ATP8A2: variants seen among roughly 807,000 people sequenced by gnomAD.
ATP8A2 encodes phospholipid-transporting ATPase IB.
ATP8A2 carries 100 observed loss-of-function variants against 165.6 expected under a neutral mutation model. The ratio of observed to expected loss-of-function variants is 0.60; its 90% CI spans 0.51 to 0.71. The LOEUF (loss-of-function observed/expected upper bound fraction) is 0.71, where lower values mean the gene tolerates loss of function less well. Ranked by LOEUF, ATP8A2 falls within the 30% of genes least tolerant of loss-of-function variation. The pLI is 0.00. For missense variants in ATP8A2, 1,227 were observed against 1,479.5 expected (o/e 0.83, Z 2.80); for synonymous variants, 543 against 548.8 (o/e 0.99, Z 0.15).
chr13:25,592,178 A>G lies in ATP8A2; in HGVS notation c.2211+2479A>G, dbSNP rs965938699. Among the ~76,000 whole-genome samples, 8 of 144,288 alleles carry G rather than the reference A, an allele frequency of 5.5e-5. 1 individual carries two copies. Among genetic ancestry groups the G allele is most frequent in the African/African-American group, 2.1e-4 (8 of 37,792 alleles). The allele number at this position is 144,288 out of a possible 152,430, so 94.7% of individuals were successfully genotyped here. On this transcript the variant is annotated intron_variant, in intron 24 of 36. Transcript: ENST00000381655. ...GTATATCTTCTATGGAGAAATGTCTATTCAATCCTTTGCCCATTTTTTAAT... is the reference window on the plus strand; with the variant it reads ...GTATATCTTCTATGGAGAAATGTCTGTTCAATCCTTTGCCCATTTTTTAAT...
At chr13:25,923,503 T>C (rs1367832672) in intron 33 of ATP8A2, among the ~76,000 whole-genome samples, 1 of 152,152 alleles carries the variant, frequency 6.6e-6, no homozygotes, top group Non-Finnish European at 1.5e-5. Context: ...TTAATATTGA[T>C]GTCCAGCAGG....
chr13:25,830,322 A>G (rs1951430138), intron 28 of ATP8A2, among the ~76,000 whole-genome samples: 1 of 152,098 alleles, frequency 6.6e-6, no homozygotes, highest in African/African-American at 2.4e-5. Flanking sequence ...AGTTATTGTT[A>G]TGCATGACCC....
At chr13:25,656,069 C>T (rs1400763650) in intron 24 of ATP8A2, among the ~76,000 whole-genome samples, 2 of 152,158 alleles carry the variant, frequency 1.3e-5, no homozygotes, top group South Asian at 4.1e-4. Flanking sequence ...TCTGACTCCC[C>T]CTGTGTAACC....
chr13:25,615,750 C>T (rs67847413), intron 24 of ATP8A2, among the ~76,000 whole-genome samples: 14 of 152,044 alleles, frequency 9.2e-5, no homozygotes, highest in South Asian at 4.2e-4. Context: ...CTGTGTTTTT[C>T]GCTCAGCTCT....
chr13:25,697,073 C>G (rs557124260), intron 24 of ATP8A2, among the ~76,000 whole-genome samples: 1 of 152,146 alleles, frequency 6.6e-6, no homozygotes, highest in Non-Finnish European at 1.5e-5. Context: ...TGGTGCTGAT[C>G]GACTTGCTTG....
chr13:25,485,142 G>T (rs1330489518), intron 2 of ATP8A2, among the ~76,000 whole-genome samples: 1 of 152,220 alleles, frequency 6.6e-6, no homozygotes, highest in African/African-American at 2.4e-5. Flanking sequence ...CCGTGGTAAG[G>T]CAGAAACATG....
At chr13:25,930,855 C>T (rs1593579788) in intron 33 of ATP8A2, among the ~76,000 whole-genome samples, 1 of 152,322 alleles carries the variant, frequency 6.6e-6, no homozygotes, top group East Asian at 1.9e-4. Context: ...ACCTGTCACG[C>T]CTCCTCCACA....
At chr13:25,431,384 AGTG>A (rs2034606936) in intron 1 of ATP8A2, among the ~76,000 whole-genome samples, 1 of 151,918 alleles carries the variant, frequency 6.6e-6, no homozygotes, top group Non-Finnish European at 1.5e-5. Context: ...CCCGACCTCA[AGTG>A]GTCAGCTCGC....
At chr13:25,428,099 G>A (rs533349484) in intron 1 of ATP8A2, among the ~76,000 whole-genome samples, 6 of 152,000 alleles carry the variant, frequency 3.9e-5, no homozygotes, top group African/African-American at 1.4e-4. Context: ...TGGAAGGATC[G>A]CTTGAACCTG....
intron 35 of ATP8A2, among the ~76,000 whole-genome samples, chr13:26,004,514 A>C (rs1253843843): frequency 6.6e-6 from 1 of 151,998 alleles, no homozygotes; most frequent in Non-Finnish European, 1.5e-5. Context: ...CCTCTTGCCT[A>C]ATGGCTCTGG....
At chr13:25,859,817 T>A (rs1248559917) in intron 30 of ATP8A2, among the ~76,000 whole-genome samples, 2 of 152,204 alleles carry the variant, frequency 1.3e-5, no homozygotes, top group East Asian at 1.9e-4. Flanking sequence ...TAAAGATGAA[T>A]CATAAAGAAT....
chr13:25,923,214 C>G (rs1417364092), intron 33 of ATP8A2, among the ~76,000 whole-genome samples: 3 of 152,162 alleles, frequency 2.0e-5, no homozygotes, highest in East Asian at 1.9e-4. Context: ...CCAGATCCAC[C>G]AGTGTAGCCC....
At chr13:25,418,781 G>A (rs2034210021) in intron 1 of ATP8A2, among the ~76,000 whole-genome samples, 3 of 152,128 alleles carry the variant, frequency 2.0e-5, no homozygotes, top group Admixed American at 1.3e-4. Context: ...TCGCAGAAGG[G>A]TGTGAGTTCA....
intron 35 of ATP8A2, among the ~76,000 whole-genome samples, chr13:25,984,906 T>C (rs1237142993): frequency 6.6e-6 from 1 of 152,212 alleles, no homozygotes; most frequent in Non-Finnish European, 1.5e-5. Context: ...CATACTTCAT[T>C]TGAGATTGTT....
At chr13:25,479,754 C>T (rs1455379231) in intron 2 of ATP8A2, among the ~76,000 whole-genome samples, 1 of 152,018 alleles carries the variant, frequency 6.6e-6, no homozygotes, top group Non-Finnish European at 1.5e-5. Flanking sequence ...TGCCCTTAAT[C>T]CATTTAACCC....
chr13:25,794,764 C>G (rs1324458021), intron 27 of ATP8A2, among the ~76,000 whole-genome samples: 1 of 150,576 alleles, frequency 6.6e-6, no homozygotes, highest in East Asian at 2.0e-4. Context: ...AGGATAACAT[C>G]TATCAGAAAG....
intron 14 of ATP8A2, among the ~76,000 whole-genome samples, 163 bp from the exon 15 acceptor site, chr13:25,559,558 G>A (rs2039080998): frequency 6.6e-6 from 1 of 151,898 alleles, no homozygotes; most frequent in Non-Finnish European, 1.5e-5. Context: ...CAGAAAAACA[G>A]CAACAAAAAA....
intron 33 of ATP8A2, among the ~76,000 whole-genome samples, chr13:25,864,241 G>A (rs1330498308): frequency 2.6e-5 from 4 of 151,966 alleles, no homozygotes; most frequent in Non-Finnish European, 4.4e-5. Flanking sequence ...GAGAGTGACA[G>A]CTGACAGGAC....
At chr13:26,005,830 T>A (rs1956726764) in intron 35 of ATP8A2, among the ~76,000 whole-genome samples, 2 of 152,080 alleles carry the variant, frequency 1.3e-5, no homozygotes, top group African/African-American at 4.8e-5. Context: ...CATTGATGTA[T>A]GGGTTTATTT....
Sources: gnomAD v4.1 joint callset for allele counts (sites outside exome capture counted in the v4.1 genomes callset) on GRCh38, gnomAD v4.1.1 for gene constraint, MANE v1.5 for transcripts, NCBI Gene and HGNC (gene_info 2026-07-23, HGNC 2026-07-21) for gene names.